CREB1: variants seen among roughly 807,000 people sequenced by gnomAD.
CREB1 encodes cyclic AMP-responsive element-binding protein 1.
CREB1 carries 2 observed loss-of-function variants against 42.0 expected under a neutral mutation model. The ratio of observed to expected loss-of-function variants is 0.05; its 90% CI spans 0.02 to 0.15. The LOEUF (loss-of-function observed/expected upper bound fraction) is 0.15. Ranked by LOEUF, CREB1 falls within the 10% of genes least tolerant of loss-of-function variation. CREB1 has a pLI of 1.00. For missense variants in CREB1, 199 were observed against 388.9 expected, an observed-to-expected ratio of 0.51 and a Z score of 4.11; for synonymous variants, 123 against 139.9, an observed-to-expected ratio of 0.88 and a Z score of 0.85.
intron 3 of CREB1, among the ~76,000 whole-genome samples, chr2:207,565,630 T>A (rs1002032614): frequency 1.3e-5 from 2 of 152,114 alleles, no homozygotes; most frequent in African/African-American, 4.8e-5. Flanking sequence ...GTTGTTTTAG[T>A]GAGTTCCAAC....
At chr2:207,570,040 C>CAAACA (rs2082297232) in intron 4 of CREB1, 139 bp from the exon 5 acceptor site, 1 of 167,056 alleles carries the variant, frequency 6.0e-6, no homozygotes, top group Non-Finnish European at 1.0e-5. Flanking sequence ...GACTCCATCT[C>CAAACA]AAAAAAAAAA....
chr2:207,541,247 CA>C (rs1478666482), intron 1 of CREB1, among the ~76,000 whole-genome samples: 1 of 152,048 alleles, frequency 6.6e-6, no homozygotes, highest in African/African-American at 2.4e-5. Flanking sequence ...CCTAAGTATA[CA>C]GTGCCTTTGA....
chr2:207,530,382 T>TGGCGGGGGGC (rs1196579225), intron 1 of CREB1, among the ~76,000 whole-genome samples: 1 of 135,128 alleles, frequency 7.4e-6, no homozygotes, highest in African/African-American at 2.7e-5. Flanking sequence ...GCGGCGCTCA[T>TGGCGGGGGGC]GGCGGGGGGC....
intron 6 of CREB1, 46 bp downstream of exon 6, chr2:207,575,500 C>A (rs768636201): frequency 1.8e-5 from 26 of 1,484,594 alleles, no homozygotes; most frequent in Admixed American, 5.6e-5. Context: ...CTTCAAAATA[C>A]TAAAATTTTA....
intron 1 of CREB1, among the ~76,000 whole-genome samples, chr2:207,551,332 T>C (rs2106427999): frequency 6.6e-6 from 1 of 152,312 alleles, no homozygotes; most frequent in Non-Finnish European, 1.5e-5. Flanking sequence ...TATTGGGAAA[T>C]CTAATCAGAT....
chr2:207,588,869 ATTAG>A (rs1331818597), intron 7 of CREB1, among the ~76,000 whole-genome samples: 13 of 131,010 alleles, frequency 9.9e-5, no homozygotes, highest in African/African-American at 2.9e-4. Context: ...AAATTTACTT[ATTAG>A]TTCTAGGAGC....
In CREB1 at chr2:207,597,160, T is replaced by C; in HGVS notation, c.*102T>C. The C allele has an allele frequency of 7.6e-7, 1 of 1,317,318 alleles. No individual in the cohort carries two copies. The highest frequency in any genetic ancestry group is 1.0e-6 in the Non-Finnish European group (1 of 986,844). 81.6% of individuals were successfully genotyped at this position (1,317,318 alleles called of 1,614,324 possible). A position where few individuals can be genotyped will look rare whatever the true frequency, so the allele number is the denominator to read the frequency against. ...TTTATTTTCTAAACATTTCTTTTTT[T>C]CTATGCGCAAAACTGCCTGAAAGCA... On this transcript the variant is annotated 3_prime_UTR_variant, in exon 8 of 8. Coordinates refer to ENST00000353267, the MANE Select transcript of CREB1 (RefSeq NM_004379.5).
At chr2:207,595,276 G>A (rs1258367240) in intron 7 of CREB1, among the ~76,000 whole-genome samples, 1 of 152,010 alleles carries the variant, frequency 6.6e-6, no homozygotes, top group Admixed American at 6.6e-5. Context: ...TTACAGGCAT[G>A]AGCCACCGCA....
chr2:207,584,869 T>C (rs1292942963), intron 7 of CREB1, among the ~76,000 whole-genome samples: 3 of 152,220 alleles, frequency 2.0e-5, no homozygotes, highest in African/African-American at 7.2e-5. Context: ...GCTTTTTCTT[T>C]AATTTTCTTA....
At position 207,595,099 on chromosome 2, in the gene CREB1, G is replaced by A. The variant is rs564413524; in HGVS notation, c.840-1815G>A. ...CAACCTCTGCCTCCCGGGTTTAAGT[G>A]ATTCTCCTGCCTCAGCCTCCTGAGT... On this transcript the variant is annotated intron_variant, in intron 7 of 7. Coordinates refer to ENST00000353267, the MANE Select transcript of CREB1 (RefSeq NM_004379.5). Among the ~76,000 whole-genome samples the A allele has an allele frequency of 6.7e-5, 10 of 149,798 alleles. No individual in the cohort carries two copies. The South Asian group carries it at 1.7e-3, about 25-fold the overall frequency.
chr2:207,593,798 A>C (rs570145572), intron 7 of CREB1, among the ~76,000 whole-genome samples: 1 of 150,612 alleles, frequency 6.6e-6, no homozygotes, highest in Admixed American at 6.6e-5. Flanking sequence ...GGCTCACTGC[A>C]ATCTCTGCCT....
At chr2:207,561,135 TAAA>T (rs2081942003) in intron 3 of CREB1, 1 of 1,613,298 alleles carries the variant, frequency 6.2e-7, no homozygotes, top group Admixed American at 1.7e-5. Flanking sequence ...TGTAAGGACT[TAAA>T]AAGACTTTTC....
intron 7 of CREB1, among the ~76,000 whole-genome samples, chr2:207,588,371 T>C (rs2084284391): frequency 6.6e-6 from 1 of 152,190 alleles, no homozygotes; most frequent in African/African-American, 2.4e-5. Flanking sequence ...GTCTGTTTCT[T>C]GGATATCTTT....
rs915934256 is a variant in CREB1 at position 207,601,335 on chromosome 2, T to C, written c.*4277T>C. On this transcript the variant is annotated 3_prime_UTR_variant, in exon 8 of 8. Coordinates refer to ENST00000353267, the MANE Select transcript of CREB1 (RefSeq NM_004379.5). ...AAGTAATTCTCAACTTTTTAGTCTT[T>C]CTCCTCTCTTCAAATCATGTGACTT... 1.1e-5 allele frequency: 2 copies of C among 185,932 alleles called. No homozygotes were observed. Among genetic ancestry groups the C allele is most frequent in the Non-Finnish European group, 2.3e-5 (2 of 87,798 alleles). 11.5% of individuals were successfully genotyped at this position (185,932 alleles called of 1,614,324 possible). A position where few individuals can be genotyped will look rare whatever the true frequency, so the allele number is the denominator to read the frequency against.
At chr2:207,595,783 G>A (rs534820510) in intron 7 of CREB1, among the ~76,000 whole-genome samples, 2 of 152,020 alleles carry the variant, frequency 1.3e-5, no homozygotes, top group East Asian at 3.9e-4. Context: ...TGCCCAGGCT[G>A]TTCTTGAACA....
intron 7 of CREB1, chr2:207,581,609 T>C: frequency 2.9e-6 from 1 of 350,382 alleles, no homozygotes; most frequent in Non-Finnish European, 5.1e-6. Context: ...ATTTTTAATA[T>C]ATTTTTAAGT....
chr2:207,532,955 C>T (rs888734294), intron 1 of CREB1, among the ~76,000 whole-genome samples: 10 of 152,016 alleles, frequency 6.6e-5, no homozygotes, highest in African/African-American at 2.4e-4. Context: ...ATTTGTGATT[C>T]TTAGCAATTC....
intron 7 of CREB1, among the ~76,000 whole-genome samples, chr2:207,586,461 A>G (rs2083859455): frequency 6.6e-6 from 1 of 152,208 alleles, no homozygotes; most frequent in Non-Finnish European, 1.5e-5. Context: ...CTCTTAGACT[A>G]CTAGAAGAAA....
At chr2:207,577,021 A>T (rs758934231) in intron 6 of CREB1, 1 of 924,402 alleles carries the variant, frequency 1.1e-6, no homozygotes, top group Non-Finnish European at 1.3e-6. Flanking sequence ...TTTTAATTCA[A>T]AATTTATAAT....
Sources: allele counts gnomAD v4.1 joint callset (sites outside exome capture counted in the v4.1 genomes callset), GRCh38; gene constraint gnomAD v4.1.1; transcripts MANE v1.5; gene names NCBI Gene and HGNC (gene_info 2026-07-23, HGNC 2026-07-21).